Variants in STPG2 observed in about 807,000 individuals in gnomAD.
The protein encoded by STPG2 is sperm-tail PG-rich repeat-containing protein 2.
In STPG2, 56 loss-of-function variants were observed where a neutral mutation model predicts 54.2. The observed-to-expected ratio is 1.03, with a 90% CI of 0.83 to 1.29. The LOEUF (loss-of-function observed/expected upper bound fraction) is 1.29, where lower values mean the gene tolerates loss of function less well. STPG2 is among the 50% of genes most tolerant of loss of function. The probability of loss-of-function intolerance (pLI) is 0.00; values close to 1 mark genes in which losing one functional copy is unlikely to be tolerated. For synonymous variants in STPG2, 200 were observed against 181.8 expected (o/e 1.10, Z -0.81); for missense variants, 596 against 544.9 (o/e 1.09, Z -0.93).
At chr4:97,537,440 C>CT (rs1416802114) in intron 4 of STPG2, among the ~76,000 whole-genome samples, 1 of 152,178 alleles carries the variant, frequency 6.6e-6, no homozygotes, top group African/African-American at 2.4e-5. Context: ...CAGAGCCTCC[C>CT]TTGTTGCTAG....
intron 10 of STPG2, among the ~76,000 whole-genome samples, chr4:97,588,521 A>T (rs1187139750): frequency 1.6e-4 from 25 of 152,098 alleles, no homozygotes; most frequent in Non-Finnish European, 1.5e-5. Flanking sequence ...ACAAAAAGGA[A>T]ATTAAAAAGG....
At chr4:97,465,835 T>G (rs1346689188) in intron 4 of STPG2, among the ~76,000 whole-genome samples, 1 of 152,088 alleles carries the variant, frequency 6.6e-6, no homozygotes, top group African/African-American at 2.4e-5. Flanking sequence ...TTTTGATCCA[T>G]GGTTGGTGAA....
intron 5 of STPG2, among the ~76,000 whole-genome samples, chr4:98,055,330 G>C (rs1578817602): frequency 6.6e-6 from 1 of 151,886 alleles, no homozygotes; most frequent in East Asian, 1.9e-4. Context: ...TCCCATGGAG[G>C]GACTGAGATG....
chr4:97,941,282 G>C (rs963567349), intron 8 of STPG2, among the ~76,000 whole-genome samples: 6 of 151,930 alleles, frequency 3.9e-5, no homozygotes, highest in Admixed American at 2.0e-4. Context: ...GAAAAAAAAA[G>C]TGAAAAGGAC....
At chr4:97,847,150 C>G (rs1202379456) in intron 8 of STPG2, among the ~76,000 whole-genome samples, 1 of 151,996 alleles carries the variant, frequency 6.6e-6, no homozygotes, top group Non-Finnish European at 1.5e-5. Flanking sequence ...ATTCAGAAAA[C>G]TTTGTTTAAG....
At chr4:97,623,487 C>G (rs1182086004) in intron 10 of STPG2, among the ~76,000 whole-genome samples, 2 of 151,972 alleles carry the variant, frequency 1.3e-5, no homozygotes, top group Non-Finnish European at 2.9e-5. Context: ...ATGTGGCCAA[C>G]AAGCATATGA....
At chr4:98,069,046 G>A (rs779636018) in intron 5 of STPG2, among the ~76,000 whole-genome samples, 1 of 151,956 alleles carries the variant, frequency 6.6e-6, no homozygotes, top group African/African-American at 2.4e-5. Flanking sequence ...CTGAATTTCA[G>A]AATTTAAGTA....
intron 10 of STPG2, among the ~76,000 whole-genome samples, chr4:97,675,148 C>T (rs768746155): frequency 6.6e-6 from 1 of 152,058 alleles, no homozygotes; most frequent in African/African-American, 2.4e-5. Flanking sequence ...GCATTACAGG[C>T]ATGCACCACA....
chr4:97,862,525 T>C (rs776345934), intron 8 of STPG2, among the ~76,000 whole-genome samples: 2 of 152,012 alleles, frequency 1.3e-5, no homozygotes, highest in Non-Finnish European at 2.9e-5. Context: ...TGGTCAACAT[T>C]AGACAGATCG....
chr4:97,516,702 C>T (rs1456667978), intron 4 of STPG2, among the ~76,000 whole-genome samples: 1 of 151,540 alleles, frequency 6.6e-6, no homozygotes, highest in East Asian at 2.0e-4. Context: ...GTGGCACACA[C>T]CTGTAATCTC....
At chr4:97,953,586 C>T (rs1158206774) in intron 7 of STPG2, among the ~76,000 whole-genome samples, 1 of 152,230 alleles carries the variant, frequency 6.6e-6, no homozygotes, top group Non-Finnish European at 1.5e-5. Context: ...CCTTGGTTCA[C>T]ACTGGAGACC....
intron 10 of STPG2, among the ~76,000 whole-genome samples, chr4:97,603,127 A>G (rs1418913613): frequency 1.3e-5 from 2 of 151,816 alleles, no homozygotes; most frequent in Non-Finnish European, 3.0e-5. Context: ...ACAAAAAACA[A>G]ACAAACCAAT....
At chr4:97,653,965 T>A (rs1240982167) in intron 10 of STPG2, among the ~76,000 whole-genome samples, 2 of 151,058 alleles carry the variant, frequency 1.3e-5, no homozygotes, top group Non-Finnish European at 3.0e-5. Flanking sequence ...GCCTCAGAGA[T>A]ATAAATGCAA....
At chr4:97,763,230 C>T (rs950360154) in intron 9 of STPG2, among the ~76,000 whole-genome samples, 6 of 152,020 alleles carry the variant, frequency 3.9e-5, no homozygotes, top group Admixed American at 2.0e-4. Flanking sequence ...TGAAATAAAG[C>T]CCAGCATACA....
At chr4:97,781,359 C>A (rs561506077) in intron 9 of STPG2, among the ~76,000 whole-genome samples, 1 of 152,158 alleles carries the variant, frequency 6.6e-6, no homozygotes, top group Non-Finnish European at 1.5e-5. Flanking sequence ...TGGACACATA[C>A]ACCCTCCCAA....
intron 5 of STPG2, among the ~76,000 whole-genome samples, chr4:97,992,149 G>A (rs1560626053): frequency 6.6e-6 from 1 of 152,054 alleles, no homozygotes; most frequent in Non-Finnish European, 1.5e-5. Flanking sequence ...TTGCTATTGG[G>A]TTCTTGGTCA....
At chr4:98,038,322 T>C (rs1292118624) in intron 5 of STPG2, among the ~76,000 whole-genome samples, 3 of 152,142 alleles carry the variant, frequency 2.0e-5, no homozygotes, top group Non-Finnish European at 4.4e-5. Context: ...CAAGATTTGT[T>C]AAACTGTAAA....
chr4:97,736,989 G>T (rs1212269832), intron 9 of STPG2, among the ~76,000 whole-genome samples: 2 of 152,126 alleles, frequency 1.3e-5, no homozygotes, highest in Non-Finnish European at 2.9e-5. Context: ...ACCTCACACG[G>T]CCGGGTACTC....
rs1052047668 is a variant in STPG2 at position 98,087,607 on chromosome 4, T to C, written c.612+18346A>G. On this transcript the variant is annotated intron_variant, in intron 5 of 10. Transcript: ENST00000295268. ...ACGGAGTCTGGCTCTGTCGCTCAGGTTGGAATGCAGTGCCGCAATCTCGGC... is the reference window on the plus strand; with the variant it reads ...ACGGAGTCTGGCTCTGTCGCTCAGGCTGGAATGCAGTGCCGCAATCTCGGC... Among the ~76,000 whole-genome samples the C allele has an allele frequency of 5.4e-5, 8 of 149,106 alleles. No individual in the cohort carries two copies. The East Asian group carries it at 9.9e-4, about 18-fold the overall frequency.
Sources: gnomAD v4.1 joint callset for allele counts (sites outside exome capture counted in the v4.1 genomes callset) on GRCh38, gnomAD v4.1.1 for gene constraint, MANE v1.5 for transcripts, NCBI Gene and HGNC (gene_info 2026-07-23, HGNC 2026-07-21) for gene names.